The following RBFOX1 variants were observed in gnomAD, a reference collection of about 807,000 sequenced individuals.
RBFOX1 encodes the protein RNA binding protein fox-1 homolog 1.
Under a neutral mutation model 57.7 loss-of-function variants are expected in RBFOX1, and 8 were observed. The observed-to-expected ratio is 0.14, with a 90% confidence interval of 0.08 to 0.25. The LOEUF (loss-of-function observed/expected upper bound fraction) is 0.25. RBFOX1 is among the 10% of genes least tolerant of loss of function. The pLI is 1.00. For synonymous variants in RBFOX1, 326 were observed against 222.4 expected, an observed-to-expected ratio of 1.47 and a Z score of -4.15; for missense variants, 611 against 548.5, an observed-to-expected ratio of 1.11 and a Z score of -1.14.
intron 2 of RBFOX1, among the ~76,000 whole-genome samples, chr16:5,472,829 G>A (rs1237353096): frequency 6.6e-6 from 1 of 152,184 alleles, no homozygotes; most frequent in Non-Finnish European, 1.5e-5. Context: ...GAAGCTGCAC[G>A]CCTGTCTGCA....
At chr16:6,567,283 G>A (rs2097280291) in intron 2 of RBFOX1, among the ~76,000 whole-genome samples, 1 of 152,144 alleles carries the variant, frequency 6.6e-6, no homozygotes, top group Non-Finnish European at 1.5e-5. Context: ...CCTTTATCCT[G>A]TGAGGCAAAT....
intron 1 of RBFOX1, among the ~76,000 whole-genome samples, chr16:5,452,100 A>ATC (rs908178723): frequency 6.3e-4 from 88 of 140,562 alleles, no homozygotes; most frequent in South Asian, 9.1e-4. Context: ...ATTCTGATTT[A>ATC]TCTCTCTCTC....
At chr16:6,899,251 G>A (rs887623263) in intron 3 of RBFOX1, among the ~76,000 whole-genome samples, 8 of 151,892 alleles carry the variant, frequency 5.3e-5, no homozygotes, top group South Asian at 4.2e-4. Context: ...GTATGTTTGC[G>A]TGCATGTGTG....
In RBFOX1 at chr16:7,497,629, G is replaced by A. The variant is rs567727964; in HGVS notation, c.28-20518G>A. Among the ~76,000 whole-genome samples, 6 of 152,258 alleles carry A rather than the reference G, an allele frequency of 3.9e-5. No individual in the cohort carries two copies. In the South Asian group the frequency reaches 1.2e-3, roughly 32 times the overall value. ...GAACCTACTGGGGACCAGACACAGT[G>A]GATAAAGGTACCTCTAGTGCATTTC... On this transcript the variant is annotated intron_variant, in intron 4 of 15. Transcript: ENST00000550418.
intron 3 of RBFOX1, among the ~76,000 whole-genome samples, chr16:6,997,103 G>A (rs897249682): frequency 6.6e-5 from 10 of 152,038 alleles, no homozygotes; most frequent in African/African-American, 2.4e-4. Context: ...TTGTTGTGTT[G>A]ACTGTGTTTT....
intron 1 of RBFOX1, among the ~76,000 whole-genome samples, chr16:6,188,632 G>C (rs1204850301): frequency 1.3e-5 from 2 of 152,096 alleles, no homozygotes; most frequent in Admixed American, 1.3e-4. Context: ...CCAGAGAGCT[G>C]TCAACTTCAG....
At chr16:6,633,178 T>G (rs1192086466) in intron 2 of RBFOX1, among the ~76,000 whole-genome samples, 1 of 152,150 alleles carries the variant, frequency 6.6e-6, no homozygotes, top group African/African-American at 2.4e-5. Context: ...GCAGGGCAGG[T>G]CAGATGTCCA....
At chr16:6,835,342 C>T (rs1313345391) in intron 3 of RBFOX1, among the ~76,000 whole-genome samples, 3 of 152,132 alleles carry the variant, frequency 2.0e-5, no homozygotes, top group Admixed American at 6.5e-5. Context: ...GCATAGACTC[C>T]TTGATATTTT....
At chr16:7,395,278 C>G (rs539680262) in intron 4 of RBFOX1, among the ~76,000 whole-genome samples, 4 of 152,210 alleles carry the variant, frequency 2.6e-5, no homozygotes, top group Non-Finnish European at 5.9e-5. Context: ...GAGCCCCCAA[C>G]ACACCTGTCA....
intron 3 of RBFOX1, among the ~76,000 whole-genome samples, chr16:6,888,008 TG>T (rs1387296043): frequency 6.6e-6 from 1 of 152,106 alleles, no homozygotes; most frequent in African/African-American, 2.4e-5. Flanking sequence ...TTGGGGTTTT[TG>T]TTTGGGTGAT....
intron 10 of RBFOX1, among the ~76,000 whole-genome samples, chr16:7,621,527 G>T (rs2059320769): frequency 6.6e-6 from 1 of 152,134 alleles, no homozygotes; most frequent in South Asian, 2.1e-4. Context: ...TTTCCAAAGT[G>T]CTGGGATTAC....
chr16:6,035,620 A>T (rs2095355597), intron 1 of RBFOX1, among the ~76,000 whole-genome samples: 1 of 152,212 alleles, frequency 6.6e-6, no homozygotes, highest in African/African-American at 2.4e-5. Context: ...TCAAAATGGC[A>T]AGCGGGAGGC....
At chr16:7,164,007 G>A (rs1303243897) in intron 4 of RBFOX1, among the ~76,000 whole-genome samples, 1 of 152,122 alleles carries the variant, frequency 6.6e-6, no homozygotes, top group Admixed American at 6.5e-5. Flanking sequence ...AACAGGAGGT[G>A]TTTGGTTACA....
At chr16:6,877,873 G>A (rs554405607) in intron 3 of RBFOX1, among the ~76,000 whole-genome samples, 34 of 152,260 alleles carry the variant, frequency 2.2e-4, no homozygotes, top group Non-Finnish European at 4.4e-4. Flanking sequence ...AGAGAATAGG[G>A]AAAGGATTGC....
At chr16:5,424,977 T>G (rs552153422) in intron 1 of RBFOX1, among the ~76,000 whole-genome samples, 7 of 35,830 alleles carry the variant, frequency 2.0e-4, no homozygotes, top group Non-Finnish European at 2.9e-4. Context: ...TTTCTTTCTT[T>G]CTTTTCTTTT....
intron 4 of RBFOX1, among the ~76,000 whole-genome samples, chr16:5,977,425 C>T (rs9935090): frequency 0.35 from 53,216 of 151,998 alleles, 12,018 homozygotes; most frequent in African/African-American, 0.62. Flanking sequence ...GTAATGCTCC[C>T]CCAGGGAAAC....
chr16:6,940,068 A>C (rs1257086157), intron 3 of RBFOX1, among the ~76,000 whole-genome samples: 1 of 152,096 alleles, frequency 6.6e-6, no homozygotes, highest in African/African-American at 2.4e-5. Flanking sequence ...TACAAAAAAT[A>C]GTAATCCCAG....
downstream of RBFOX1, among the ~76,000 whole-genome samples, chr16:5,600,946 A>G (rs2047345695): frequency 6.6e-6 from 1 of 152,168 alleles, no homozygotes; most frequent in East Asian, 1.9e-4. Flanking sequence ...AACTCAAAGT[A>G]ATTGCCCATG....
At chr16:6,297,761 G>T (rs1012379842) in intron 1 of RBFOX1, among the ~76,000 whole-genome samples, 1 of 152,092 alleles carries the variant, frequency 6.6e-6, no homozygotes, top group Admixed American at 6.5e-5. Flanking sequence ...TGGCAGAATG[G>T]CATGGCAGAA....
Sources: gnomAD v4.1 joint callset for allele counts (sites outside exome capture counted in the v4.1 genomes callset) on GRCh38, gnomAD v4.1.1 for gene constraint, MANE v1.5 for transcripts, NCBI Gene and HGNC (gene_info 2026-07-23, HGNC 2026-07-21) for gene names.